SDCCAG8: variants seen among roughly 807,000 people sequenced by gnomAD.
SDCCAG8 encodes the protein SHH signaling and ciliogenesis regulator SDCCAG8.
SDCCAG8 carries 74 observed loss-of-function variants against 101.8 expected under a neutral mutation model. The ratio of observed to expected loss-of-function variants is 0.73; its 90% CI spans 0.60 to 0.88. The LOEUF (loss-of-function observed/expected upper bound fraction) is 0.88, where lower values mean the gene tolerates loss of function less well. Ranked by LOEUF, SDCCAG8 falls within the 40% of genes least tolerant of loss-of-function variation. SDCCAG8 has a pLI of 0.00. For synonymous variants in SDCCAG8, 281 were observed against 292.9 expected (o/e 0.96, Z 0.41); for missense variants, 787 against 822.6 (o/e 0.96, Z 0.53).
intron 1 of SDCCAG8, among the ~76,000 whole-genome samples, chr1:243,266,409 C>T (rs887255359): frequency 2.0e-5 from 3 of 150,294 alleles, no homozygotes; most frequent in African/African-American, 7.4e-5. Context: ...CTCCGCCCCC[C>T]GGCTTCAAGC....
At chr1:243,489,854 G>GA (rs1226144534) in intron 17 of SDCCAG8, among the ~76,000 whole-genome samples, 5 of 152,182 alleles carry the variant, frequency 3.3e-5, no homozygotes, top group African/African-American at 1.2e-4. Context: ...CACCAGCAGG[G>GA]AAAAGGGAGG....
In SDCCAG8 at chr1:243,435,484, C is replaced by T. The variant is rs559402099; in HGVS notation, c.1985+8926C>T. Among the ~76,000 whole-genome samples, 77 of 152,300 alleles carry T rather than the reference C, an allele frequency of 5.1e-4. 1 individual carries two copies. Among genetic ancestry groups the T allele is most frequent in the African/African-American group, 1.8e-3 (76 of 41,564 alleles). ...CAACATATTTATTAGGCCCTTAATA[C>T]ATGCTGAGCTCTGTTCTGGATTCTG... On this transcript the variant is annotated intron_variant, in intron 16 of 17. Transcript: ENST00000366541.
intron 6 of SDCCAG8, among the ~76,000 whole-genome samples, chr1:243,293,776 T>C (rs1219272574): frequency 2.0e-5 from 3 of 152,200 alleles, no homozygotes; most frequent in Non-Finnish European, 4.4e-5. Flanking sequence ...AATCCCTGTT[T>C]CAATTATTTT....
intron 13 of SDCCAG8, 87 bp from the exon 14 acceptor site, chr1:243,415,615 A>G: frequency 1.9e-6 from 3 of 1,572,356 alleles, no homozygotes; most frequent in Non-Finnish European, 2.6e-6. Flanking sequence ...TTTACTACGT[A>G]TCAGCTCTCT....
At position 243,499,931 on chromosome 1, in the gene SDCCAG8, C is replaced by A; in HGVS notation, c.*146C>A. The A allele has an allele frequency of 1.4e-6, 1 of 738,790 alleles. No individual in the cohort carries two copies. The highest frequency in any genetic ancestry group is 1.5e-5 in the South Asian group (1 of 67,676). The allele number at this position is 738,790 out of a possible 1,614,324, so 45.8% of individuals were successfully genotyped here. Reference sequence around the variant, plus strand: ...TGGGGCTGGTCCTCATCAACGCGGGCGCTGTCCCCGCACGCAGTCGGGCTG... The same window carrying A: ...TGGGGCTGGTCCTCATCAACGCGGGAGCTGTCCCCGCACGCAGTCGGGCTG... On this transcript the variant is annotated 3_prime_UTR_variant, in exon 18 of 18. Transcript: ENST00000366541.
intron 1 of SDCCAG8, chr1:243,267,593 A>G (rs1174202431): frequency 1.8e-6 from 1 of 542,540 alleles, no homozygotes; most frequent in Non-Finnish European, 3.4e-6. Flanking sequence ...CAAGAGCCAA[A>G]CTCCCTCTCA....
rs560944438 is a variant in SDCCAG8, at chr1:243,474,607, G to T, written c.1986-14407G>T. On this transcript the variant is annotated intron_variant, in intron 16 of 17. Coordinates refer to ENST00000366541, the MANE Select transcript of SDCCAG8 (RefSeq NM_006642.5). This position sits in a 1 kb window ranked among gnomAD's most constrained non-coding sequence, Gnocchi z 4.7. Reference sequence around the variant, plus strand: ...GAGAGGGGTGTCTCCTGCCTGGAGCGCTCCGCGGTGGCCCGAGAGCAGGTG... The same window carrying T: ...GAGAGGGGTGTCTCCTGCCTGGAGCTCTCCGCGGTGGCCCGAGAGCAGGTG... Among the ~76,000 whole-genome samples the T allele has an allele frequency of 6.6e-6, 1 of 152,242 alleles. No homozygotes were observed. Among genetic ancestry groups the T allele is most frequent in the South Asian group, 2.1e-4 (1 of 4,838 alleles).
chr1:243,434,262 G>C (rs2081991333), intron 16 of SDCCAG8, among the ~76,000 whole-genome samples: 1 of 152,216 alleles, frequency 6.6e-6, no homozygotes, highest in African/African-American at 2.4e-5. Context: ...TTTTGCTAAA[G>C]CAGATATATG....
intron 8 of SDCCAG8, among the ~76,000 whole-genome samples, chr1:243,311,736 G>A (rs2072747092): frequency 6.6e-6 from 1 of 150,560 alleles, no homozygotes. Context: ...GCAACATAGG[G>A]AAACCCTGTC....
At chr1:243,484,265 A>T (rs1239014237) in intron 16 of SDCCAG8, among the ~76,000 whole-genome samples, 1 of 152,218 alleles carries the variant, frequency 6.6e-6, no homozygotes, top group African/African-American at 2.4e-5. Context: ...TGGTGCAGCC[A>T]CACTGCACAG....
intron 6 of SDCCAG8, among the ~76,000 whole-genome samples, chr1:243,295,552 A>G (rs920700135): frequency 1.3e-5 from 2 of 152,038 alleles, no homozygotes; most frequent in Non-Finnish European, 1.5e-5. Flanking sequence ...TTCTCCCGTC[A>G]CTCTTACAAA....
At chr1:243,288,066 TAC>T (rs1295923192) in intron 5 of SDCCAG8, among the ~76,000 whole-genome samples, 1 of 152,234 alleles carries the variant, frequency 6.6e-6, no homozygotes, top group Admixed American at 6.5e-5. Context: ...TTGAAATGAT[TAC>T]TGCAGATATG....
intron 11 of SDCCAG8, 102 bp from the exon 12 acceptor site, chr1:243,344,113 T>C (rs1407448452): frequency 1.1e-6 from 1 of 899,162 alleles, no homozygotes; most frequent in Non-Finnish European, 1.9e-6. Context: ...AGTTTTGTTG[T>C]ATTTTATCTA....
intron 16 of SDCCAG8, among the ~76,000 whole-genome samples, chr1:243,488,032 A>G (rs1665407079): frequency 6.6e-6 from 1 of 152,204 alleles, no homozygotes; most frequent in Admixed American, 6.5e-5. Context: ...GGAGGCAGGT[A>G]CCGACCATCG....
chr1:243,380,717 C>A (rs1358791324), intron 13 of SDCCAG8, among the ~76,000 whole-genome samples: 1 of 150,608 alleles, frequency 6.6e-6, no homozygotes, highest in Non-Finnish European at 1.5e-5. Flanking sequence ...TAAACCAATT[C>A]TACTAAAATT....
At chr1:243,498,772 C>T (rs993761695) in intron 17 of SDCCAG8, among the ~76,000 whole-genome samples, 2 of 152,216 alleles carry the variant, frequency 1.3e-5, no homozygotes, top group Admixed American at 1.3e-4. Context: ...CCTTGGAGTC[C>T]AGCTTGGAAA....
chr1:243,492,757 G>A (rs1666877100), intron 17 of SDCCAG8, among the ~76,000 whole-genome samples: 1 of 151,466 alleles, frequency 6.6e-6, no homozygotes. Flanking sequence ...ACAGGTGCCT[G>A]CCACCACGCC....
At chr1:243,339,615 C>T (rs914036523) in intron 10 of SDCCAG8, among the ~76,000 whole-genome samples, 1 of 152,138 alleles carries the variant, frequency 6.6e-6, no homozygotes, top group African/African-American at 2.4e-5. Flanking sequence ...ATATGAAATT[C>T]TCCACTACCT....
rs376069580 is a variant in SDCCAG8 at position 243,378,849 on chromosome 1, A to G, written c.1602A>G (p.Gln534=). ...LTELLGESEH[Q]LHLTRQEKDS... ...AACTGCTGGGCGAATCTGAGCACCAACTGCACCTCACCAGGTACTCCCTAA... is the reference window on the plus strand; with the variant it reads ...AACTGCTGGGCGAATCTGAGCACCAGCTGCACCTCACCAGGTACTCCCTAA... Residue 534 remains glutamine (Q), a synonymous_variant, in exon 13 of 18, where the codon CAA becomes CAG. Transcript: ENST00000366541. 2 of 1,613,936 alleles carry G rather than the reference A, an allele frequency of 1.2e-6. No homozygotes were observed. The highest frequency in any genetic ancestry group is 8.5e-7 in the Non-Finnish European group (1 of 1,179,970).
Sources: allele counts gnomAD v4.1 joint callset (sites outside exome capture counted in the v4.1 genomes callset), GRCh38; gene constraint gnomAD v4.1.1; non-coding constraint Gnocchi (gnomAD v3.1); transcripts MANE v1.5; gene names NCBI Gene and HGNC (gene_info 2026-07-23, HGNC 2026-07-21).